PRKCA: variants seen among roughly 807,000 people sequenced by gnomAD.
The protein encoded by PRKCA is protein kinase C alpha.
PRKCA carries 27 observed loss-of-function variants against 87.0 expected under a neutral mutation model. That is an observed-to-expected ratio of 0.31 (90% CI 0.23 to 0.43). PRKCA has a LOEUF of 0.43. PRKCA is among the 20% of genes least tolerant of loss of function. The pLI is 1.00. For synonymous variants in PRKCA, 329 were observed against 311.1 expected, an observed-to-expected ratio of 1.06 and a Z score of -0.61; for missense variants, 518 against 852.3, an observed-to-expected ratio of 0.61 and a Z score of 4.88.
intron 3 of PRKCA, among the ~76,000 whole-genome samples, chr17:66,621,628 T>C (rs1363718110): frequency 1.3e-5 from 2 of 152,178 alleles, no homozygotes; most frequent in African/African-American, 4.8e-5. Flanking sequence ...AAATATCTGC[T>C]TCGTTCATGG....
At chr17:66,763,564 C>A (rs1454470300) in intron 13 of PRKCA, among the ~76,000 whole-genome samples, 4 of 152,094 alleles carry the variant, frequency 2.6e-5, no homozygotes, top group Non-Finnish European at 4.4e-5. Context: ...TGATGTTTTT[C>A]AAAACAAATG....
rs113263646 is a variant in PRKCA at position 66,439,469 on chromosome 17, C to T, written c.206-56732C>T. ...TGCTGGGATTACAGGCATGAGCCAT[C>T]GTGCCCGGCCTTTTACCCACATTAT... On this transcript the variant is annotated intron_variant, in intron 2 of 16. Transcript: ENST00000413366. Among the ~76,000 whole-genome samples, 329 of 152,332 alleles carry T rather than the reference C, an allele frequency of 2.2e-3. 8 individuals are homozygous for T. In the East Asian group the frequency reaches 0.056, roughly 26 times the overall value.
chr17:66,661,225 G>A (rs1410038632), intron 5 of PRKCA, among the ~76,000 whole-genome samples: 2 of 151,482 alleles, frequency 1.3e-5, no homozygotes, highest in African/African-American at 2.4e-5. Context: ...AAAAATTCTG[G>A]GAAAGGGATT....
In PRKCA at chr17:66,730,721, T is replaced by A. The variant is rs554865476; in HGVS notation, c.919-1967T>A. Among the ~76,000 whole-genome samples the A allele has an allele frequency of 1.9e-4, 29 of 152,294 alleles. No homozygotes were observed. In the South Asian group the frequency reaches 6.0e-3, roughly 32 times the overall value. Reference sequence around the variant, plus strand: ...TTTGGCTGGCTTTGCCACAGACTGTTGTATTAGGGGTTCTTTGTGACCTGT... The same window carrying A: ...TTTGGCTGGCTTTGCCACAGACTGTAGTATTAGGGGTTCTTTGTGACCTGT... On this transcript the variant is annotated intron_variant, in intron 8 of 16. Transcript: ENST00000413366.
intron 9 of PRKCA, among the ~76,000 whole-genome samples, chr17:66,733,755 G>A (rs1168703166): frequency 1.3e-5 from 2 of 152,164 alleles, no homozygotes; most frequent in South Asian, 2.1e-4. Context: ...TCATGCCACT[G>A]CACTCCAGCC....
chr17:66,519,722 T>G (rs1967093302), intron 3 of PRKCA, among the ~76,000 whole-genome samples: 1 of 152,210 alleles, frequency 6.6e-6, no homozygotes, highest in Non-Finnish European at 1.5e-5. Flanking sequence ...GACCTCAGCA[T>G]CAGTATCACC....
chr17:66,604,626 A>G (rs565783793), intron 3 of PRKCA, among the ~76,000 whole-genome samples: 26 of 152,302 alleles, frequency 1.7e-4, no homozygotes, highest in African/African-American at 5.8e-4. Flanking sequence ...AAGACATGCC[A>G]ATAGCATCTG....
rs760834125 is a variant in PRKCA at position 66,612,728 on chromosome 17, G to GT, written c.289-28614dup. On this transcript the variant is annotated intron_variant, in intron 3 of 16. Coordinates refer to ENST00000413366, the MANE Select transcript of PRKCA (RefSeq NM_002737.3). The stretch of plus-strand genomic sequence containing the variant: ...GAATATTTCACTGATTCTGTTGGAG[G>GT]TTTTTTTTTTTTTGTCTTTAGCTAA... 4.3e-3 allele frequency among the ~76,000 whole-genome samples: 612 copies of GT among 142,574 alleles called. 1 individual carries two copies. The highest frequency in any genetic ancestry group is 0.015 in the Middle Eastern group (4 of 270). The allele number at this position is 142,574 out of a possible 152,430, so 93.5% of individuals were successfully genotyped here.
At chr17:66,708,113 C>CACAT (rs1336915548) in intron 8 of PRKCA, among the ~76,000 whole-genome samples, 1 of 152,162 alleles carries the variant, frequency 6.6e-6, no homozygotes, top group African/African-American at 2.4e-5. Context: ...CCATGATGTA[C>CACAT]ACATGATGGT....
intron 5 of PRKCA, among the ~76,000 whole-genome samples, chr17:66,647,273 A>G (rs929400223): frequency 3.9e-5 from 6 of 152,218 alleles, no homozygotes; most frequent in African/African-American, 1.4e-4. Flanking sequence ...TAAGGGATCA[A>G]GGAGCATAAA....
At chr17:66,690,400 C>A (rs1456263965) in intron 8 of PRKCA, among the ~76,000 whole-genome samples, 1 of 152,170 alleles carries the variant, frequency 6.6e-6, no homozygotes, top group Non-Finnish European at 1.5e-5. Flanking sequence ...CTACGGCTAC[C>A]CTGCCCCACT....
chr17:66,694,789 A>G (rs76391197), intron 8 of PRKCA, among the ~76,000 whole-genome samples: 2 of 150,708 alleles, frequency 1.3e-5, no homozygotes, highest in South Asian at 4.2e-4. Context: ...AAAAAAAAAA[A>G]AAGGTATCTT....
intron 2 of PRKCA, among the ~76,000 whole-genome samples, chr17:66,407,643 A>G (rs1426658757): frequency 6.6e-6 from 1 of 152,084 alleles, no homozygotes; most frequent in African/African-American, 2.4e-5. Flanking sequence ...CTGAAAATAT[A>G]GTTTGTATAT....
intron 5 of PRKCA, among the ~76,000 whole-genome samples, chr17:66,651,562 G>C (rs1971591853): frequency 6.6e-6 from 1 of 152,184 alleles, no homozygotes; most frequent in Non-Finnish European, 1.5e-5. Context: ...TAACTTGTTG[G>C]AGGCTGCCAG....
At position 66,525,685 on chromosome 17, in the gene PRKCA, T is replaced by C. The variant is rs139144877; in HGVS notation, c.288+29402T>C. 7.0e-3 allele frequency among the ~76,000 whole-genome samples: 1,065 copies of C among 152,304 alleles called. 9 individuals are homozygous for C. The highest frequency in any genetic ancestry group is 0.024 in the South Asian group (116 of 4,826). On this transcript the variant is annotated intron_variant, in intron 3 of 16. Coordinates refer to ENST00000413366, the MANE Select transcript of PRKCA (RefSeq NM_002737.3). ...AGTTTGGACAAGTGTGGTTTCATTC[T>C]GGGGGACTGACACTTATTTCTTTCC...
chr17:66,611,242 A>AT (rs1209893371), intron 3 of PRKCA, among the ~76,000 whole-genome samples: 16 of 152,148 alleles, frequency 1.1e-4, no homozygotes, highest in Admixed American at 4.6e-4. Context: ...TAGCTCAGTG[A>AT]TTTTTTGTGT....
intron 9 of PRKCA, among the ~76,000 whole-genome samples, chr17:66,734,165 C>A (rs1012305124): frequency 4.6e-5 from 7 of 152,114 alleles, no homozygotes; most frequent in Admixed American, 3.9e-4. Context: ...ATCCAGACCC[C>A]AAGAGGAGGG....
At chr17:66,501,490 G>A (rs770970259) in intron 3 of PRKCA, among the ~76,000 whole-genome samples, 6 of 152,196 alleles carry the variant, frequency 3.9e-5, no homozygotes, top group Non-Finnish European at 8.8e-5. Flanking sequence ...GAGAACCAAC[G>A]TTAGCGGTGA....
intron 2 of PRKCA, among the ~76,000 whole-genome samples, chr17:66,320,604 T>C (rs1194896182): frequency 6.6e-6 from 1 of 152,200 alleles, no homozygotes; most frequent in African/African-American, 2.4e-5. Flanking sequence ...TTAAAAATGC[T>C]TCAGACTTTT....
Sources: allele counts gnomAD v4.1 joint callset (sites outside exome capture counted in the v4.1 genomes callset), GRCh38; gene constraint gnomAD v4.1.1; transcripts MANE v1.5; gene names NCBI Gene and HGNC (gene_info 2026-07-23, HGNC 2026-07-21).